Variants in USH2A observed in about 807,000 individuals in gnomAD.
The protein encoded by USH2A is Usher syndrome 2A (autosomal recessive, mild).
USH2A carries 443 observed loss-of-function variants against 538.9 expected under a neutral mutation model. The observed-to-expected ratio is 0.82, with a 90% confidence interval of 0.76 to 0.89. USH2A has a LOEUF of 0.89. Among genes scored for constraint, USH2A ranks in the 40% least tolerant of loss-of-function variants. The pLI is 0.00. For missense variants in USH2A, 6,633 were observed against 6,324.8 expected (o/e 1.05, Z -1.65); for synonymous variants, 2,413 against 2,273.5 (o/e 1.06, Z -1.75).
At chr1:215,630,148 C>A in intron 70 of USH2A, 1 of 514,598 alleles carries the variant, frequency 1.9e-6, no homozygotes, top group Non-Finnish European at 3.9e-6. Context: ...AGTCAACACA[C>A]CATGCAAAAG....
intron 58 of USH2A, among the ~76,000 whole-genome samples, chr1:215,749,727 G>T (rs1660570988): frequency 6.6e-6 from 1 of 152,192 alleles, no homozygotes; most frequent in Non-Finnish European, 1.5e-5. Context: ...AAGCTCAAGT[G>T]AACCAATTTA....
At chr1:215,699,226 G>A (rs1429167540) in intron 61 of USH2A, among the ~76,000 whole-genome samples, 4 of 152,126 alleles carry the variant, frequency 2.6e-5, no homozygotes, top group Non-Finnish European at 5.9e-5. Context: ...CTGTAGCCTT[G>A]TAGTATAGTT....
chr1:215,669,278 G>A (rs920845653), intron 64 of USH2A, among the ~76,000 whole-genome samples: 25 of 152,230 alleles, frequency 1.6e-4, no homozygotes, highest in African/African-American at 5.1e-4. Context: ...GCTTGATAAC[G>A]TGACACTTCT....
At chr1:215,917,780 CAAAAAAA>C (rs869080030) in intron 38 of USH2A, among the ~76,000 whole-genome samples, 4 of 89,618 alleles carry the variant, frequency 4.5e-5, no homozygotes, top group African/African-American at 8.8e-5. Context: ...CCTATCACTA[CAAAAAAA>C]AAAAAAAAAA....
At chr1:215,968,516 A>T (rs925639796) in intron 36 of USH2A, among the ~76,000 whole-genome samples, 1 of 152,172 alleles carries the variant, frequency 6.6e-6, no homozygotes, top group African/African-American at 2.4e-5. Flanking sequence ...TTTTATTTTT[A>T]AAAATTCTCC....
intron 14 of USH2A, among the ~76,000 whole-genome samples, chr1:216,227,000 C>A (rs2035576088): frequency 6.6e-6 from 1 of 152,166 alleles, no homozygotes; most frequent in Non-Finnish European, 1.5e-5. Context: ...ACATGTCACC[C>A]TTCAAGGGAT....
intron 41 of USH2A, among the ~76,000 whole-genome samples, chr1:215,887,136 C>A (rs939786812): frequency 6.6e-6 from 1 of 152,166 alleles, no homozygotes; most frequent in African/African-American, 2.4e-5. Flanking sequence ...GGATTACAGG[C>A]GTGAGCCACC....
chr1:216,073,350 T>A lies in USH2A; in HGVS notation c.5573-50A>T, dbSNP rs958232163. ...TCGCATAAAGGGCTTGAGTCATTAATTACCAATCATTTTTGTCCTCTGCAG... is the reference window on the plus strand; with the variant it reads ...TCGCATAAAGGGCTTGAGTCATTAAATACCAATCATTTTTGTCCTCTGCAG... On this transcript the variant is annotated intron_variant, in intron 27 of 71. Coordinates refer to ENST00000307340, the MANE Select transcript of USH2A (RefSeq NM_206933.4). 3 of 1,587,042 alleles carry A rather than the reference T, an allele frequency of 1.9e-6. No individual in the cohort carries two copies. In the African/African-American group the frequency reaches 4.0e-5, roughly 21 times the overall value.
chr1:216,181,402 G>T (rs1316323674), intron 20 of USH2A, among the ~76,000 whole-genome samples: 1 of 152,030 alleles, frequency 6.6e-6, no homozygotes, highest in Non-Finnish European at 1.5e-5. Context: ...AGCCCCTCTG[G>T]TTTATCCCCT....
At chr1:215,744,274 C>T (rs554967353) in intron 58 of USH2A, among the ~76,000 whole-genome samples, 12 of 152,272 alleles carry the variant, frequency 7.9e-5, no homozygotes, top group Middle Eastern at 3.4e-3. Context: ...CTAAATACAG[C>T]GAAAATTTGG....
chr1:216,159,291 T>G (rs1006519750), intron 21 of USH2A, among the ~76,000 whole-genome samples: 17 of 152,244 alleles, frequency 1.1e-4, no homozygotes, highest in African/African-American at 3.8e-4. Flanking sequence ...GAAAAAGCAC[T>G]TGATATTTTA....
At chr1:216,158,394 C>T (rs2033991697) in intron 21 of USH2A, among the ~76,000 whole-genome samples, 1 of 151,984 alleles carries the variant, frequency 6.6e-6, no homozygotes, top group South Asian at 2.1e-4. Flanking sequence ...TCACCATGCC[C>T]AGCTAATTTT....
intron 4 of USH2A, among the ~76,000 whole-genome samples, chr1:216,348,488 C>T (rs1279616407): frequency 6.6e-6 from 1 of 152,074 alleles, no homozygotes; most frequent in African/African-American, 2.4e-5. Context: ...TAACCCAACT[C>T]ATAGGTATTT....
At chr1:215,808,212 T>C (rs80164550) in intron 49 of USH2A, among the ~76,000 whole-genome samples, 2,009 of 152,240 alleles carry the variant, frequency 0.013, 52 homozygotes, top group South Asian at 0.099. Context: ...GGGATGTTCA[T>C]TGTAATTTTA....
chr1:215,961,411 G>GATATC (rs1667196283), intron 37 of USH2A, among the ~76,000 whole-genome samples: 1 of 151,448 alleles, frequency 6.6e-6, no homozygotes, highest in Non-Finnish European at 1.5e-5. Flanking sequence ...AAAGTATAAT[G>GATATC]ATATCATTGA....
At chr1:215,868,349 G>T (rs1240152856) in intron 43 of USH2A, among the ~76,000 whole-genome samples, 1 of 152,134 alleles carries the variant, frequency 6.6e-6, no homozygotes, top group Non-Finnish European at 1.5e-5. Context: ...TTCATAGCCC[G>T]AAGATACGTT....
In USH2A at chr1:215,934,733, G is replaced by T. The variant is rs372950392; in HGVS notation, c.7183C>A (p.Leu2395Ile). Residue 2395 changes from leucine (L) to isoleucine (I), a missense_variant, in exon 38 of 72, where the codon CTT becomes ATT. Transcript: ENST00000307340. ...ACCAGCCCATCGATGAGCACCCAAAGGTTTGTCTCTTCTCCGCTGTACATG... is the reference window on the plus strand; with the variant it reads ...ACCAGCCCATCGATGAGCACCCAAATGTTTGTCTCTTCTCCGCTGTACATG... Reference protein sequence around the residue: ...KVMYSGEETNLWVLIDGLVPF... With the variant: ...KVMYSGEETNIWVLIDGLVPF... 1 of 1,612,820 alleles carries T rather than the reference G, an allele frequency of 6.2e-7. No homozygotes were observed. The highest frequency in any genetic ancestry group is 1.3e-5 in the African/African-American group (1 of 74,940).
intron 34 of USH2A, among the ~76,000 whole-genome samples, chr1:215,998,450 T>A (rs1168325754): frequency 6.6e-6 from 1 of 152,106 alleles, no homozygotes; most frequent in Non-Finnish European, 1.5e-5. Context: ...GTAATAACAA[T>A]CAAGAATATT....
intron 43 of USH2A, among the ~76,000 whole-genome samples, chr1:215,869,772 G>C (rs770247812): frequency 3.9e-5 from 6 of 152,060 alleles, no homozygotes; most frequent in Non-Finnish European, 8.8e-5. Flanking sequence ...CCATGTTTGT[G>C]GTTCTTTCCT....
Sources: gnomAD v4.1 joint callset for allele counts (sites outside exome capture counted in the v4.1 genomes callset) on GRCh38, gnomAD v4.1.1 for gene constraint, MANE v1.5 for transcripts, NCBI Gene and HGNC (gene_info 2026-07-23, HGNC 2026-07-21) for gene names.